The following NEK10 variants were observed in gnomAD, a reference collection of about 807,000 sequenced individuals.
NEK10 encodes NIMA related kinase 10.
Under a neutral mutation model 159.8 loss-of-function variants are expected in NEK10, and 122 were observed. That is an observed-to-expected ratio of 0.76 (90% CI 0.66 to 0.89). The LOEUF (loss-of-function observed/expected upper bound fraction) is 0.89, where lower values mean the gene tolerates loss of function less well. Among genes scored for constraint, NEK10 ranks in the 40% least tolerant of loss-of-function variants. The pLI is 0.00. For synonymous variants in NEK10, 466 were observed against 457.1 expected, an observed-to-expected ratio of 1.02 and a Z score of -0.25; for missense variants, 1,342 against 1,323.1, an observed-to-expected ratio of 1.01 and a Z score of -0.22.
intron 23 of NEK10, among the ~76,000 whole-genome samples, chr3:27,244,241 T>TA (rs959699918): frequency 3.6e-4 from 55 of 152,342 alleles, no homozygotes; most frequent in African/African-American, 1.1e-3. Flanking sequence ...ACTCTGGAGA[T>TA]ACACCAAAAG....
chr3:27,254,184 G>T (rs962253846), intron 23 of NEK10, among the ~76,000 whole-genome samples: 7 of 152,032 alleles, frequency 4.6e-5, no homozygotes, highest in African/African-American at 9.7e-5. Flanking sequence ...TGAGATTTTG[G>T]TTTTTTTCAA....
chr3:27,127,304 T>A (rs1037808023), intron 32 of NEK10, among the ~76,000 whole-genome samples: 1 of 152,172 alleles, frequency 6.6e-6, no homozygotes, highest in African/African-American at 2.4e-5. Context: ...TTATCCCACC[T>A]AAGAGGTTAT....
chr3:27,254,633 AG>A (rs1955993667), intron 23 of NEK10, among the ~76,000 whole-genome samples: 6 of 152,066 alleles, frequency 3.9e-5, no homozygotes, highest in Non-Finnish European at 7.4e-5. Context: ...TAACTCGGAG[AG>A]ATGAGAGAAG....
Position 27,201,526 on chromosome 3 carries a change from T to C in NEK10, c.2275A>G (p.Thr759Ala), listed in dbSNP as rs1313705384. The change falls in exon 25 of 36, where the codon ACA becomes GCA. Residue 759 changes from threonine (T) to alanine (A), a missense_variant. Thr to Ala is a moderately conservative substitution (Grantham distance 58). Coordinates refer to ENST00000691995, the MANE Select transcript of NEK10 (RefSeq NM_001394966.1). ...ACTAATTACCTGCTGATGGTGTCTG[T>C]TACTTTTTCAGAGTAGATACCTTCT... ...VPEGIYSEKV[T>A]DTISRCLTPD... The C allele has an allele frequency of 6.2e-7, 1 of 1,613,856 alleles. No homozygotes were observed. The highest frequency in any genetic ancestry group is 1.7e-5 in the Admixed American group (1 of 59,990).
At chr3:27,115,902 T>C (rs1559472253) in intron 35 of NEK10, 38 bp downstream of exon 35, 3 of 1,473,784 alleles carry the variant, frequency 2.0e-6, no homozygotes, top group East Asian at 4.5e-5. Context: ...ATGACCTCAA[T>C]TCATCTTTCA....
chr3:27,174,342 G>A (rs1252866686), intron 28 of NEK10, 97 bp downstream of exon 28: 2 of 1,583,578 alleles, frequency 1.3e-6, no homozygotes, highest in African/African-American at 2.7e-5. Flanking sequence ...AAACCACTGG[G>A]TTATGTATAT....
chr3:27,215,591 A>T (rs746605278), intron 23 of NEK10: 93 of 469,694 alleles, frequency 2.0e-4, no homozygotes, highest in Admixed American at 1.5e-3. Context: ...GAGAAAGGCA[A>T]AAGGTAAACA....
intron 6 of NEK10, among the ~76,000 whole-genome samples, chr3:27,315,410 C>T (rs1268368935): frequency 6.6e-6 from 1 of 152,126 alleles, no homozygotes; most frequent in Admixed American, 6.5e-5. Flanking sequence ...AACACACTTA[C>T]ATCTAAATTA....
intron 30 of NEK10, among the ~76,000 whole-genome samples, chr3:27,151,631 C>T (rs1944883810): frequency 6.6e-6 from 1 of 150,660 alleles, no homozygotes; most frequent in Non-Finnish European, 1.5e-5. Context: ...ACTTGTTCAC[C>T]AGCAATGGAG....
At chr3:27,346,354 G>C in intron 3 of NEK10, 138 bp from the exon 4 acceptor site, 2 of 868,670 alleles carry the variant, frequency 2.3e-6, no homozygotes, top group Non-Finnish European at 3.6e-6. Flanking sequence ...TCAAATGTAA[G>C]GGTTTTCCAA....
intron 25 of NEK10, among the ~76,000 whole-genome samples, chr3:27,192,776 A>G (rs1431315953): frequency 2.0e-5 from 3 of 152,170 alleles, no homozygotes; most frequent in Non-Finnish European, 4.4e-5. Flanking sequence ...ATAGCTACAT[A>G]TTATGGTACA....
At chr3:27,136,586 C>G (rs772135878) in intron 31 of NEK10, among the ~76,000 whole-genome samples, 2 of 152,124 alleles carry the variant, frequency 1.3e-5, no homozygotes, top group Non-Finnish European at 2.9e-5. Flanking sequence ...GTACTTTAGT[C>G]ACCTTATATG....
intron 6 of NEK10, among the ~76,000 whole-genome samples, chr3:27,318,834 G>A (rs2045405000): frequency 6.6e-6 from 1 of 152,164 alleles, no homozygotes; most frequent in Non-Finnish European, 1.5e-5. Flanking sequence ...GTTTGAGGCT[G>A]TAGATATGAA....
intron 21 of NEK10, 37 bp from the exon 22 acceptor site, chr3:27,284,741 C>T: frequency 1.9e-6 from 3 of 1,540,238 alleles, no homozygotes; most frequent in South Asian, 1.1e-5. Flanking sequence ...TTTATTTCCC[C>T]CAACATACAT....
intron 29 of NEK10, among the ~76,000 whole-genome samples, chr3:27,167,373 C>A (rs373537389): frequency 6.6e-6 from 1 of 152,004 alleles, no homozygotes; most frequent in Non-Finnish European, 1.5e-5. Context: ...CATAGTTTGG[C>A]GCAGGCCTGG....
chr3:27,328,182 T>A (rs1008925336), intron 5 of NEK10, among the ~76,000 whole-genome samples: 3 of 152,254 alleles, frequency 2.0e-5, no homozygotes, highest in Non-Finnish European at 4.4e-5. Flanking sequence ...TTCAGAATAT[T>A]TTCAAATATT....
At chr3:27,256,968 T>A (rs1450113371) in intron 22 of NEK10, among the ~76,000 whole-genome samples, 1 of 147,218 alleles carries the variant, frequency 6.8e-6, no homozygotes, top group Non-Finnish European at 1.5e-5. Context: ...CAGGTTGGAG[T>A]GCAGTGGTGC....
intron 5 of NEK10, among the ~76,000 whole-genome samples, chr3:27,331,092 C>G (rs1423680897): frequency 6.6e-6 from 1 of 151,934 alleles, no homozygotes; most frequent in Admixed American, 6.6e-5. Context: ...CAAAAATTAG[C>G]CAATCGTGGT....
intron 30 of NEK10, among the ~76,000 whole-genome samples, chr3:27,156,972 A>ATATATT (rs1945527082): frequency 1.7e-5 from 2 of 119,176 alleles, no homozygotes; most frequent in Non-Finnish European, 3.5e-5. Flanking sequence ...ATATATATAT[A>ATATATT]TATATATGAT....
Sources: gnomAD v4.1 joint callset for allele counts (sites outside exome capture counted in the v4.1 genomes callset) on GRCh38, gnomAD v4.1.1 for gene constraint, MANE v1.5 for transcripts, NCBI Gene and HGNC (gene_info 2026-07-23, HGNC 2026-07-21) for gene names.